The following RPH3A variants were observed in gnomAD, a reference collection of about 807,000 sequenced individuals.
The protein encoded by RPH3A is rabphilin-3A.
Under a neutral mutation model 102.2 loss-of-function variants are expected in RPH3A, and 48 were observed. The observed-to-expected ratio is 0.47, with a 90% CI of 0.37 to 0.60. The LOEUF is 0.60. Among genes scored for constraint, RPH3A ranks in the 20% least tolerant of loss-of-function variants. The pLI, the probability that RPH3A is intolerant of heterozygous loss-of-function variation, is 0.00. For missense variants in RPH3A, 781 were observed against 910.1 expected (o/e 0.86, Z 1.83); for synonymous variants, 310 against 324.3 (o/e 0.96, Z 0.47).
intron 2 of RPH3A, among the ~76,000 whole-genome samples, chr12:112,822,920 A>C (rs552950058): frequency 8.5e-5 from 13 of 152,334 alleles, no homozygotes; most frequent in African/African-American, 3.1e-4. Flanking sequence ...ATGATTCTTT[A>C]GAGTTTGTAC....
At chr12:112,781,063 G>A (rs11066412) in intron 1 of RPH3A, among the ~76,000 whole-genome samples, 29,394 of 152,078 alleles carry the variant, frequency 0.19, 3,940 homozygotes, top group Non-Finnish European at 0.29. Flanking sequence ...GGGAGGCTGA[G>A]GCAGGAGAAT....
chr12:112,870,007 G>A lies in RPH3A; in HGVS notation c.764G>A (p.Gly255Glu). ...GATTCAGAGAGCTGGGACCACAGTG[G>A]GGGTGCTGGAGACTCCAGCCGGAGC... ...SRDSESWDHS[G>E]GAGDSSRSPA... Residue 255 changes from glycine to glutamate, a missense_variant, in exon 10 of 22, where the codon GGG becomes GAG. Around this residue, in one of 2 missense-constraint regions of RPH3A, gnomAD observed 730 missense variants for 810.0 expected, o/e 0.90. Coordinates refer to ENST00000389385, the MANE Select transcript of RPH3A (RefSeq NM_001143854.2). 6.2e-7 allele frequency: 1 copy of A among 1,614,134 alleles called. No individual in the cohort carries two copies. The highest frequency in any genetic ancestry group is 8.5e-7 in the Non-Finnish European group (1 of 1,180,034).
At chr12:112,716,330 G>C (rs2040513156) in intron 1 of RPH3A, among the ~76,000 whole-genome samples, 1 of 152,118 alleles carries the variant, frequency 6.6e-6, no homozygotes, top group Non-Finnish European at 1.5e-5. Flanking sequence ...TCTGACGATG[G>C]GGTACTCACT....
chr12:112,892,824 C>G (rs962217889), intron 19 of RPH3A: 5 of 152,274 alleles, frequency 3.3e-5, no homozygotes, highest in African/African-American at 1.2e-4. Context: ...GACACTCCCC[C>G]CACCTCCACT....
intron 1 of RPH3A, among the ~76,000 whole-genome samples, chr12:112,586,647 T>G (rs2039441155): frequency 6.6e-6 from 1 of 152,170 alleles, no homozygotes; most frequent in Non-Finnish European, 1.5e-5. Context: ...GCACAGGCCC[T>G]GTGCATAGTA....
At chr12:112,692,750 AG>A (rs1033677832) in intron 1 of RPH3A, among the ~76,000 whole-genome samples, 2 of 152,216 alleles carry the variant, frequency 1.3e-5, no homozygotes, top group African/African-American at 4.8e-5. Flanking sequence ...TTGTCCTTTT[AG>A]CTACATCCTC....
rs376867590 is a variant in RPH3A at position 112,664,950 on chromosome 12, TG to T, written c.-140+89638del. On this transcript the variant is annotated intron_variant, in intron 1 of 21. Coordinates refer to the RPH3A transcript ENST00000543106. ...AGTCTCTCTCGTTCCATGGCGGGGG[TG>T]GGGGGGATAAGAATTTGTGGATAAA... Among the ~76,000 whole-genome samples the T allele has an allele frequency of 6.8e-4, 88 of 128,882 alleles. 3 individuals are homozygous for T. Among genetic ancestry groups the T allele is most frequent in the East Asian group, 4.5e-4 (2 of 4,424 alleles). 84.6% of individuals were successfully genotyped at this position (128,882 alleles called of 152,430 possible).
intron 1 of RPH3A, among the ~76,000 whole-genome samples, chr12:112,781,547 C>T (rs981649974): frequency 2.6e-5 from 4 of 152,160 alleles, no homozygotes; most frequent in African/African-American, 9.7e-5. Flanking sequence ...CTGAATTTCT[C>T]TCTATTCAGT....
chr12:112,742,521 G>T (rs536125024), intron 1 of RPH3A, among the ~76,000 whole-genome samples: 1 of 152,180 alleles, frequency 6.6e-6, no homozygotes, highest in East Asian at 1.9e-4. Flanking sequence ...TGAGGTTCCA[G>T]CAGGAAACAG....
chr12:112,704,310 G>C (rs1050461279), intron 1 of RPH3A, among the ~76,000 whole-genome samples: 2 of 152,026 alleles, frequency 1.3e-5, no homozygotes, highest in African/African-American at 2.4e-5. Flanking sequence ...GGCTGGTCTC[G>C]AACTCCTGAC....
intron 1 of RPH3A, among the ~76,000 whole-genome samples, chr12:112,728,838 C>T (rs1359580115): frequency 3.3e-5 from 5 of 152,128 alleles, no homozygotes; most frequent in African/African-American, 7.2e-5. Flanking sequence ...TTAAAATATA[C>T]CATTTCTCTA....
intron 1 of RPH3A, among the ~76,000 whole-genome samples, chr12:112,661,931 A>C (rs1210704091): frequency 6.6e-6 from 1 of 151,992 alleles, no homozygotes; most frequent in Non-Finnish European, 1.5e-5. Context: ...CCTGAGGTGC[A>C]GCTGTACACC....
intron 3 of RPH3A, chr12:112,831,899 T>C (rs2136159839): frequency 2.3e-6 from 1 of 427,734 alleles, no homozygotes; most frequent in African/African-American, 2.1e-5. Context: ...TGCTTAAGTG[T>C]GTATTTCTTA....
At chr12:112,837,906 C>G in intron 4 of RPH3A, 1 of 442,316 alleles carries the variant, frequency 2.3e-6, no homozygotes. Flanking sequence ...TTCCTCCCTC[C>G]CTTCCTCCCT....
At chr12:112,709,440 C>G (rs539660878) in intron 1 of RPH3A, among the ~76,000 whole-genome samples, 25 of 151,828 alleles carry the variant, frequency 1.6e-4, no homozygotes, top group Non-Finnish European at 3.5e-4. Context: ...GTTCCAGCTA[C>G]TCAGGAGGCT....
In RPH3A at chr12:112,868,631, A is replaced by G. The variant is rs1474198204; in HGVS notation, c.610+36A>G. 3.7e-6 allele frequency: 6 copies of G among 1,600,346 alleles called. No homozygotes were observed. The South Asian group carries it at 6.7e-5, about 18-fold the overall frequency. ...ACAGGTGCTTCTTTCAGGACCAAGG[A>G]CAGATCTTAGCCAACTGGTCTACCT... On this transcript the variant is annotated intron_variant, in intron 8 of 21. Coordinates refer to ENST00000389385, the MANE Select transcript of RPH3A (RefSeq NM_001143854.2).
intron 1 of RPH3A, among the ~76,000 whole-genome samples, chr12:112,680,545 A>T (rs918773478): frequency 7.9e-5 from 12 of 152,178 alleles, no homozygotes; most frequent in Non-Finnish European, 1.5e-4. Flanking sequence ...TGAAAGCAGT[A>T]GAGCTGGCAT....
At chr12:112,840,646 C>T (rs905306733) in intron 4 of RPH3A, among the ~76,000 whole-genome samples, 3 of 152,174 alleles carry the variant, frequency 2.0e-5, no homozygotes, top group Non-Finnish European at 2.9e-5. Context: ...CTCTGCACTG[C>T]CCAGAGGCTT....
intron 13 of RPH3A, among the ~76,000 whole-genome samples, chr12:112,878,224 T>C (rs1039166735): frequency 5.9e-5 from 9 of 152,192 alleles, no homozygotes; most frequent in African/African-American, 2.2e-4. Flanking sequence ...CCCTTCTGCC[T>C]TCCCTCATCC....
Sources: gnomAD v4.1 joint callset for allele counts (sites outside exome capture counted in the v4.1 genomes callset) on GRCh38, gnomAD v4.1.1 for gene constraint, gnomAD v4.1.1 regional missense constraint, MANE v1.5 for transcripts, NCBI Gene and HGNC (gene_info 2026-07-23, HGNC 2026-07-21) for gene names.